The following N4BP2L1 variants were observed in gnomAD, a reference collection of about 807,000 sequenced individuals.
The protein encoded by N4BP2L1 is NEDD4 binding protein 2 like 1.
N4BP2L1 carries 12 observed loss-of-function variants against 21.2 expected under a neutral mutation model. The observed-to-expected ratio is 0.57, with a 90% confidence interval of 0.36 to 0.92. The LOEUF (loss-of-function observed/expected upper bound fraction) is 0.92, where lower values mean the gene tolerates loss of function less well. N4BP2L1 is among the 40% of genes least tolerant of loss of function. The pLI is 0.01. For synonymous variants in N4BP2L1, 104 were observed against 112.8 expected (o/e 0.92, Z 0.49); for missense variants, 259 against 310.6 (o/e 0.83, Z 1.25).
chr13:32,422,994 AAC>A, intron 1 of N4BP2L1, among the ~76,000 whole-genome samples: 1 of 149,498 alleles, frequency 6.7e-6, no homozygotes, highest in South Asian at 2.2e-4. Flanking sequence ...CTCATAAAGA[AAC>A]ACACCACAGT....
intron 1 of N4BP2L1, chr13:32,419,460 C>T (rs1425691948): frequency 2.6e-4 from 67 of 260,946 alleles, no homozygotes; most frequent in Admixed American, 1.5e-3. Context: ...ATTTTACAGA[C>T]GGGGTTTCAC....
At chr13:32,413,305 C>T (rs1375506547) in intron 1 of N4BP2L1, among the ~76,000 whole-genome samples, 2 of 152,198 alleles carry the variant, frequency 1.3e-5, no homozygotes, top group African/African-American at 4.8e-5. Context: ...TCAAGTACTG[C>T]ACTTGGTTAT....
chr13:32,403,502 A>G (rs1321050762), intron 4 of N4BP2L1, among the ~76,000 whole-genome samples: 1 of 152,218 alleles, frequency 6.6e-6, no homozygotes, highest in Non-Finnish European at 1.5e-5. Flanking sequence ...AGATTTTTAA[A>G]AAATCATACA....
chr13:32,416,805 T>A (rs1460616653), intron 1 of N4BP2L1: 1 of 148,114 alleles, frequency 6.8e-6, no homozygotes, highest in Non-Finnish European at 1.5e-5. Context: ...TGCGAACTCT[T>A]TTTTTTTTGT....
At chr13:32,424,506 C>T (rs2074657365) in intron 1 of N4BP2L1, among the ~76,000 whole-genome samples, 1 of 152,228 alleles carries the variant, frequency 6.6e-6, no homozygotes, top group Admixed American at 6.5e-5. Context: ...CAGGCGCCTT[C>T]TCATATGCTT....
At chr13:32,418,518 C>CA (rs1480066664) in intron 1 of N4BP2L1, among the ~76,000 whole-genome samples, 11 of 152,224 alleles carry the variant, frequency 7.2e-5, no homozygotes, top group Admixed American at 7.2e-4. Context: ...AAAGCCCCCA[C>CA]ACAGAGGCTC....
chr13:32,413,788 A>G (rs1021131224), intron 1 of N4BP2L1, among the ~76,000 whole-genome samples: 1 of 151,834 alleles, frequency 6.6e-6, no homozygotes, highest in African/African-American at 2.4e-5. Context: ...TCTTTCCAGG[A>G]CTGGAAATAT....
At chr13:32,416,627 T>C (rs996916378) in intron 1 of N4BP2L1, 4 of 152,200 alleles carry the variant, frequency 2.6e-5, no homozygotes, top group Non-Finnish European at 4.4e-5. Flanking sequence ...CTTGAGAATT[T>C]TTTTTCTCTG....
intron 3 of N4BP2L1, among the ~76,000 whole-genome samples, chr13:32,406,099 C>T (rs1176813114): frequency 3.3e-5 from 5 of 150,568 alleles, no homozygotes; most frequent in Non-Finnish European, 7.4e-5. Context: ...TTAGTAGAGA[C>T]GGGGTTTCAC....
At chr13:32,411,886 G>C (rs777204527) in intron 1 of N4BP2L1, 100 of 567,364 alleles carry the variant, frequency 1.8e-4, no homozygotes, top group Admixed American at 5.7e-4. Flanking sequence ...TTTTTACTAG[G>C]GAAATTTTCA....
chr13:32,402,928 T>C lies in N4BP2L1; in HGVS notation c.*14A>G, dbSNP rs754971431. On this transcript the variant is annotated 3_prime_UTR_variant, in exon 5 of 5. Transcript: ENST00000380130. ...CTGACTTAGGAAAATTCTGCCTGGC[T>C]GTAAGATAGGCCTCTAATATCCATG... 1 of 1,554,032 alleles carries C rather than the reference T, an allele frequency of 6.4e-7. No individual in the cohort carries two copies. Among genetic ancestry groups the C allele is most frequent in the South Asian group, 1.2e-5 (1 of 82,998 alleles).
At chr13:32,408,626 G>A (rs2073667791) in intron 1 of N4BP2L1, among the ~76,000 whole-genome samples, 2 of 152,190 alleles carry the variant, frequency 1.3e-5, no homozygotes, top group African/African-American at 4.8e-5. Flanking sequence ...AACTGGAGAC[G>A]TGTCTGAGCT....
chr13:32,419,592 C>T (rs1298704985), intron 1 of N4BP2L1, among the ~76,000 whole-genome samples: 1 of 151,832 alleles, frequency 6.6e-6, no homozygotes, highest in East Asian at 1.9e-4. Context: ...TTTCATAAGG[C>T]TTTTCCCCCT....
intron 1 of N4BP2L1, chr13:32,424,773 C>G (rs1376386258): frequency 6.6e-6 from 1 of 152,036 alleles, no homozygotes; most frequent in Non-Finnish European, 1.5e-5. Context: ...TTGATGTGCT[C>G]AAAAAATTTA....
upstream of N4BP2L1, among the ~76,000 whole-genome samples, chr13:32,429,364 A>G (rs2074933992): frequency 6.6e-6 from 1 of 152,236 alleles, no homozygotes; most frequent in South Asian, 2.1e-4. Context: ...CATTCTTCTC[A>G]GCACTGCTAA....
chr13:32,412,832 AG>A (rs943483219), intron 1 of N4BP2L1, among the ~76,000 whole-genome samples: 1 of 152,174 alleles, frequency 6.6e-6, no homozygotes, highest in Non-Finnish European at 1.5e-5. Flanking sequence ...CTCACTCCGC[AG>A]GGCCTGTCAT....
chr13:32,415,246 C>CA (rs1443768382), intron 1 of N4BP2L1, among the ~76,000 whole-genome samples: 1 of 152,124 alleles, frequency 6.6e-6, no homozygotes, highest in Admixed American at 6.5e-5. Flanking sequence ...CTCCATGTTC[C>CA]ACACAGCCAA....
chr13:32,409,911 C>T (rs2073753800), intron 1 of N4BP2L1, among the ~76,000 whole-genome samples: 1 of 152,134 alleles, frequency 6.6e-6, no homozygotes, highest in Admixed American at 6.5e-5. Context: ...CTGACTGCCA[C>T]ACAATTTAAA....
At chr13:32,409,326 C>G (rs1400732345) in intron 1 of N4BP2L1, among the ~76,000 whole-genome samples, 2 of 152,168 alleles carry the variant, frequency 1.3e-5, no homozygotes, top group Non-Finnish European at 2.9e-5. Flanking sequence ...AAATTCCAAA[C>G]CAAATGCATT....
Sources: allele counts gnomAD v4.1 joint callset (sites outside exome capture counted in the v4.1 genomes callset), GRCh38; gene constraint gnomAD v4.1.1; transcripts MANE v1.5; gene names NCBI Gene and HGNC (gene_info 2026-07-23, HGNC 2026-07-21).